ICA1: variants seen among roughly 807,000 people sequenced by gnomAD.
ICA1 encodes the protein 69 kDa islet cell autoantigen.
In ICA1, 40 loss-of-function variants were observed where a neutral mutation model predicts 71.0. That is an observed-to-expected ratio of 0.56 (90% CI 0.44 to 0.73). The LOEUF (loss-of-function observed/expected upper bound fraction) is 0.73. Ranked by LOEUF, ICA1 falls within the 30% of genes least tolerant of loss-of-function variation. The pLI is 0.00. For missense variants in ICA1, 578 were observed against 576.5 expected (o/e 1.00, Z -0.03); for synonymous variants, 207 against 209.5 (o/e 0.99, Z 0.10).
intron 1 of ICA1, among the ~76,000 whole-genome samples, chr7:8,252,647 T>C (rs555464759): frequency 1.3e-5 from 2 of 151,864 alleles, no homozygotes; most frequent in South Asian, 4.1e-4. Flanking sequence ...AATAAATCCA[T>C]GTATTTATAG....
intron 13 of ICA1, among the ~76,000 whole-genome samples, chr7:8,121,262 C>T (rs1282738882): frequency 1.3e-5 from 2 of 152,120 alleles, no homozygotes; most frequent in Non-Finnish European, 2.9e-5. Context: ...GTCCTCTCCC[C>T]CACTTCTTGC....
At chr7:8,160,688 T>A (rs1206538363) in intron 6 of ICA1, among the ~76,000 whole-genome samples, 1 of 152,224 alleles carries the variant, frequency 6.6e-6, no homozygotes, top group Non-Finnish European at 1.5e-5. Context: ...TCCTAAGACT[T>A]CTTCTGTATT....
chr7:8,127,688 T>C (rs1227346485), intron 13 of ICA1, among the ~76,000 whole-genome samples, 185 bp downstream of exon 13: 1 of 152,096 alleles, frequency 6.6e-6, no homozygotes, highest in Non-Finnish European at 1.5e-5. Context: ...GGGAGAATTA[T>C]GAAAAGGAAT....
intron 1 of ICA1, among the ~76,000 whole-genome samples, chr7:8,239,372 T>C (rs1445674701): frequency 6.6e-6 from 1 of 152,210 alleles, no homozygotes; most frequent in East Asian, 1.9e-4. Flanking sequence ...TGCCAGTCAC[T>C]CTTCCTGGCC....
At chr7:8,134,695 G>T (rs549994234) in intron 12 of ICA1, among the ~76,000 whole-genome samples, 4 of 152,072 alleles carry the variant, frequency 2.6e-5, no homozygotes, top group Non-Finnish European at 4.4e-5. Context: ...TGGCTAACAA[G>T]AAAAACATAT....
At chr7:8,252,375 T>C (rs1808471445) in intron 1 of ICA1, among the ~76,000 whole-genome samples, 1 of 152,234 alleles carries the variant, frequency 6.6e-6, no homozygotes, top group Non-Finnish European at 1.5e-5. Context: ...TTATATTTTA[T>C]TGGGATCAAA....
chr7:8,156,267 G>C (rs1011063602), intron 8 of ICA1, among the ~76,000 whole-genome samples: 1 of 152,220 alleles, frequency 6.6e-6, no homozygotes, highest in African/African-American at 2.4e-5. Flanking sequence ...GCATTTGAAT[G>C]TTTTAACGTC....
chr7:8,221,506 G>A, intron 4 of ICA1, 108 bp from the exon 5 acceptor site: 1 of 1,282,718 alleles, frequency 7.8e-7, no homozygotes, highest in Non-Finnish European at 1.1e-6. Flanking sequence ...GCGAAGACGA[G>A]ATGAAATTAA....
intron 6 of ICA1, among the ~76,000 whole-genome samples, chr7:8,165,427 A>C (rs1805544586): frequency 1.3e-5 from 2 of 152,162 alleles, no homozygotes; most frequent in Admixed American, 6.5e-5. Flanking sequence ...TCATTGAAAA[A>C]ATGTTTCTTC....
intron 1 of ICA1, among the ~76,000 whole-genome samples, chr7:8,253,450 T>C (rs111646144): frequency 2.6e-5 from 4 of 152,314 alleles, no homozygotes; most frequent in African/African-American, 9.6e-5. Context: ...TGTGATGTAA[T>C]ATATACAATA....
intron 6 of ICA1, among the ~76,000 whole-genome samples, chr7:8,217,857 C>A (rs1795875755): frequency 6.6e-6 from 1 of 152,192 alleles, no homozygotes; most frequent in African/African-American, 2.4e-5. Flanking sequence ...GTTAACCCTG[C>A]AACTAAACCC....
intron 13 of ICA1, 160 bp from the exon 14 acceptor site, chr7:8,114,204 G>A (rs777873400): frequency 3.2e-5 from 24 of 752,504 alleles, no homozygotes; most frequent in Admixed American, 1.1e-4. Context: ...TCCAACTCCC[G>A]TGGCTGGTTG....
In ICA1 at chr7:8,242,826, G is replaced by A. The variant is rs368252233; in HGVS notation, c.-79-6821C>T. On this transcript the variant is annotated intron_variant, in intron 1 of 13. Transcript: ENST00000402384. ...ACTAGAAAATCTAGAAGAAATGGAT[G>A]AATTCCTGGACACATACACCCTCCC... is the stretch of plus-strand genomic sequence containing the variant. 5.9e-5 allele frequency among the ~76,000 whole-genome samples: 9 copies of A among 152,184 alleles called. No individual in the cohort carries two copies. In the South Asian group the frequency reaches 1.9e-3, roughly 32 times the overall value.
At position 8,165,932 on chromosome 7, in the gene ICA1, G is replaced by T. The variant is rs567095026; in HGVS notation, c.580-7280C>A. On this transcript the variant is annotated intron_variant, in intron 6 of 13. Coordinates refer to ENST00000402384, the MANE Select transcript of ICA1 (RefSeq NM_001136020.3). ...TAGGAAGAATCAATATTGTTGAAAT[G>T]TCCATACTGCCCAAAGCAATCACAG... 9.2e-5 allele frequency among the ~76,000 whole-genome samples: 14 copies of T among 152,300 alleles called. No individual in the cohort carries two copies. In the South Asian group the frequency reaches 2.9e-3, roughly 32 times the overall value.
At chr7:8,256,125 A>G (rs901475626) in intron 1 of ICA1, among the ~76,000 whole-genome samples, 41 of 152,110 alleles carry the variant, frequency 2.7e-4, no homozygotes, top group African/African-American at 9.7e-4. Flanking sequence ...CTACCTCTTA[A>G]AAAGCGATTG....
intron 6 of ICA1, among the ~76,000 whole-genome samples, chr7:8,181,884 C>T (rs1425769280): frequency 6.6e-6 from 1 of 152,108 alleles, no homozygotes; most frequent in Non-Finnish European, 1.5e-5. Flanking sequence ...TCTGAGTGTT[C>T]CAGTCTTCTT....
rs1797777125 is a variant in ICA1 at position 8,223,732 on chromosome 7, A to AGCCTGTGCAACATAGCAAGACCC, written c.257-2357_257-2335dup. On this transcript the variant is annotated intron_variant, in intron 4 of 13. Coordinates refer to ENST00000402384, the MANE Select transcript of ICA1 (RefSeq NM_001136020.3). This position sits in a 1 kb window ranked among gnomAD's most constrained non-coding sequence, Gnocchi z 4.1. ...TGCTTGATACTAGGAGTTCAAGACC[A>AGCCTGTGCAACATAGCAAGACCC]GCCTGTGCAACATAGCAAGACCCCT... Among the ~76,000 whole-genome samples the AGCCTGTGCAACATAGCAAGACCC allele has an allele frequency of 6.6e-6, 1 of 152,174 alleles. No homozygotes were observed. The highest frequency in any genetic ancestry group is 1.5e-5 in the Non-Finnish European group (1 of 68,020).
intron 13 of ICA1, among the ~76,000 whole-genome samples, chr7:8,121,743 C>T (rs758949172): frequency 9.2e-5 from 14 of 152,062 alleles, no homozygotes; most frequent in Non-Finnish European, 1.8e-4. Flanking sequence ...TTAAAAATAA[C>T]CCAAAGAGTA....
At chr7:8,200,332 GT>G (rs1789142339) in intron 6 of ICA1, among the ~76,000 whole-genome samples, 1 of 81,328 alleles carries the variant, frequency 1.2e-5, no homozygotes. Flanking sequence ...CTTTAGCACA[GT>G]TGAGCAAAAA....
Sources: gnomAD v4.1 joint callset for allele counts (sites outside exome capture counted in the v4.1 genomes callset) on GRCh38, gnomAD v4.1.1 for gene constraint, Gnocchi (gnomAD v3.1) non-coding constraint, MANE v1.5 for transcripts, NCBI Gene and HGNC (gene_info 2026-07-23, HGNC 2026-07-21) for gene names.